The following MAGI1 variants were observed in gnomAD, a reference collection of about 807,000 sequenced individuals.
MAGI1 encodes the protein membrane associated guanylate kinase, WW and PDZ domain containing 1.
MAGI1 carries 58 observed loss-of-function variants against 139.9 expected under a neutral mutation model. That is an observed-to-expected ratio of 0.41 (90% CI 0.34 to 0.52). The LOEUF is 0.52. MAGI1 is among the 20% of genes least tolerant of loss of function. The pLI, the probability that MAGI1 is intolerant of heterozygous loss-of-function variation, is 0.12. For missense variants in MAGI1, 1,874 were observed against 1,901.6 expected, an observed-to-expected ratio of 0.99 and a Z score of 0.27; for synonymous variants, 812 against 737.9, an observed-to-expected ratio of 1.10 and a Z score of -1.63.
intron 1 of MAGI1, among the ~76,000 whole-genome samples, chr3:65,921,457 C>T (rs191878876): frequency 4.0e-5 from 6 of 151,884 alleles, no homozygotes; most frequent in Admixed American, 6.6e-5. Flanking sequence ...TACAGATATG[C>T]GCCACCAGGC....
chr3:65,936,462 A>AC (rs2063056293), intron 1 of MAGI1, among the ~76,000 whole-genome samples: 1 of 151,802 alleles, frequency 6.6e-6, no homozygotes, highest in Non-Finnish European at 1.5e-5. Flanking sequence ...ACATGGCGAA[A>AC]CCCCGTCTCT....
intron 1 of MAGI1, among the ~76,000 whole-genome samples, chr3:65,954,003 A>G (rs1433206715): frequency 6.6e-6 from 1 of 152,198 alleles, no homozygotes; most frequent in Admixed American, 6.5e-5. Context: ...TTCTAAAATG[A>G]TAGAGTCCCA....
chr3:65,369,028 A>T (rs759067544), intron 18 of MAGI1, among the ~76,000 whole-genome samples: 20 of 152,136 alleles, frequency 1.3e-4, no homozygotes, highest in Non-Finnish European at 2.2e-4. Flanking sequence ...TCAAGTTCAG[A>T]TTCAGTAAGT....
chr3:65,442,655 T>C (rs1948424147), intron 8 of MAGI1, 137 bp downstream of exon 8: 1 of 582,864 alleles, frequency 1.7e-6, no homozygotes, highest in Admixed American at 2.8e-5. Flanking sequence ...CATTAATATA[T>C]GCATACATAT....
chr3:66,011,300 C>A (rs1257333627), intron 1 of MAGI1, among the ~76,000 whole-genome samples: 1 of 152,142 alleles, frequency 6.6e-6, no homozygotes, highest in Non-Finnish European at 1.5e-5. Context: ...TTGCAACAGT[C>A]CTAGAGCGAC....
chr3:65,463,588 G>GTGTGTT (rs1445611576), intron 5 of MAGI1, among the ~76,000 whole-genome samples: 4 of 151,118 alleles, frequency 2.6e-5, no homozygotes, highest in African/African-American at 7.3e-5. Flanking sequence ...GTGTGTGTGT[G>GTGTGTT]TGTGTGTGTG....
chr3:65,629,798 C>T (rs1036268853), intron 1 of MAGI1, among the ~76,000 whole-genome samples: 1 of 151,976 alleles, frequency 6.6e-6, no homozygotes, highest in South Asian at 2.1e-4. Flanking sequence ...TGGAGAGTTA[C>T]CCTTTAATGG....
intron 2 of MAGI1, among the ~76,000 whole-genome samples, chr3:65,494,798 C>A: frequency 6.6e-6 from 1 of 152,364 alleles, no homozygotes; most frequent in East Asian, 1.9e-4. Context: ...TCCACACCTA[C>A]ACTGGATATT....
intron 1 of MAGI1, among the ~76,000 whole-genome samples, chr3:65,659,615 C>G (rs545267232): frequency 6.6e-6 from 1 of 152,130 alleles, no homozygotes; most frequent in East Asian, 1.9e-4. Flanking sequence ...AGATGGAAAC[C>G]GCAAACCCCA....
chr3:65,992,877 G>A (rs891230671), intron 1 of MAGI1, among the ~76,000 whole-genome samples: 2 of 152,142 alleles, frequency 1.3e-5, no homozygotes, highest in East Asian at 3.9e-4. Flanking sequence ...CTAGGCTGGA[G>A]TGAAGTGGCA....
At position 65,353,569 on chromosome 3, in the gene MAGI1, A is replaced by AT. The variant is rs1940084899; in HGVS notation, c.*2808dup. ...ATTTCCATGTATTTTTACAGTAAAA[A>AT]TGCATTAAAAAATCTTTCACAAAAG... On this transcript the variant is annotated 3_prime_UTR_variant, in exon 23 of 23. Transcript: ENST00000402939. 2.0e-5 allele frequency: 3 copies of AT among 152,358 alleles called. No individual in the cohort carries two copies. The South Asian group carries it at 6.2e-4, about 32-fold the overall frequency. 9.4% of individuals were successfully genotyped at this position (152,358 alleles called of 1,614,324 possible). A position where few individuals can be genotyped will look rare whatever the true frequency, so the allele number is the denominator to read the frequency against.
intron 18 of MAGI1, among the ~76,000 whole-genome samples, chr3:65,366,554 A>G (rs914524997): frequency 3.9e-5 from 6 of 152,280 alleles, no homozygotes; most frequent in East Asian, 1.9e-4. Context: ...GTTTAGCACA[A>G]TGGTGACTAG....
chr3:65,513,370 CCT>C (rs1242863813), intron 2 of MAGI1, among the ~76,000 whole-genome samples: 4 of 61,284 alleles, frequency 6.5e-5, no homozygotes, highest in Non-Finnish European at 1.3e-4. Flanking sequence ...TCAAATTGTC[CCT>C]GTTTGCAGAC....
At chr3:65,511,178 C>G (rs1435091952) in intron 2 of MAGI1, among the ~76,000 whole-genome samples, 1 of 149,194 alleles carries the variant, frequency 6.7e-6, no homozygotes, top group East Asian at 2.1e-4. Flanking sequence ...AAGGAACAAC[C>G]GGTACCAGCT....
At chr3:65,833,586 C>A (rs1054052310) in intron 1 of MAGI1, among the ~76,000 whole-genome samples, 2 of 152,168 alleles carry the variant, frequency 1.3e-5, no homozygotes, top group African/African-American at 4.8e-5. Context: ...CTAGTGTAAT[C>A]ATCGACGACT....
chr3:65,582,141 T>C (rs2081458539), intron 2 of MAGI1, among the ~76,000 whole-genome samples: 1 of 152,246 alleles, frequency 6.6e-6, no homozygotes, highest in Non-Finnish European at 1.5e-5. Flanking sequence ...GATTATAGGC[T>C]GTACTTGAAT....
rs1940131296 is a variant in MAGI1 at position 65,354,871 on chromosome 3, T to C, written c.*1507A>G. 1.3e-5 allele frequency: 2 copies of C among 152,522 alleles called. No homozygotes were observed. The highest frequency in any genetic ancestry group is 1.3e-4 in the Admixed American group (2 of 15,280). 9.4% of individuals were successfully genotyped at this position (152,522 alleles called of 1,614,324 possible). A position where few individuals can be genotyped will look rare whatever the true frequency, so the allele number is the denominator to read the frequency against. ...ATTTTTAGCTCTGTACACGCAATGA[T>C]TGGCTGGTTTTCTTTTTTTTTTTCT... On this transcript the variant is annotated 3_prime_UTR_variant, in exon 23 of 23. Coordinates refer to ENST00000402939, the MANE Select transcript of MAGI1 (RefSeq NM_001033057.2).
At chr3:65,488,632 C>T (rs1168273228) in intron 3 of MAGI1, among the ~76,000 whole-genome samples, 1 of 152,100 alleles carries the variant, frequency 6.6e-6, no homozygotes, top group Non-Finnish European at 1.5e-5. Flanking sequence ...TGAGCCACTA[C>T]ACCCGGCCTA....
At chr3:66,007,272 A>G (rs1367984058) in intron 1 of MAGI1, among the ~76,000 whole-genome samples, 2 of 152,196 alleles carry the variant, frequency 1.3e-5, no homozygotes, top group Admixed American at 1.3e-4. Flanking sequence ...TATCAGTTCT[A>G]TCTCATTGTC....
Sources: gnomAD v4.1 joint callset for allele counts (sites outside exome capture counted in the v4.1 genomes callset) on GRCh38, gnomAD v4.1.1 for gene constraint, MANE v1.5 for transcripts, NCBI Gene and HGNC (gene_info 2026-07-23, HGNC 2026-07-21) for gene names.